RBM33: variants seen among roughly 807,000 people sequenced by gnomAD.
The protein encoded by RBM33 is RNA-binding protein 33.
In RBM33, 28 loss-of-function variants were observed where a neutral mutation model predicts 132.6. The ratio of observed to expected loss-of-function variants is 0.21; its 90% CI spans 0.16 to 0.29. The LOEUF (loss-of-function observed/expected upper bound fraction) is 0.29, where lower values mean the gene tolerates loss of function less well. RBM33 is among the 10% of genes least tolerant of loss of function. The pLI is 1.00. For missense variants in RBM33, 1,291 were observed against 1,518.5 expected, an observed-to-expected ratio of 0.85 and a Z score of 2.49; for synonymous variants, 634 against 593.0, an observed-to-expected ratio of 1.07 and a Z score of -1.01.
At chr7:155,729,067 C>T (rs547966805) in intron 9 of RBM33, among the ~76,000 whole-genome samples, 5 of 152,016 alleles carry the variant, frequency 3.3e-5, no homozygotes, top group Non-Finnish European at 5.9e-5. Context: ...CTGGAGAGGC[C>T]TCAGGAAACT....
chr7:155,758,440 G>C (rs2117058137), intron 14 of RBM33, among the ~76,000 whole-genome samples: 1 of 152,266 alleles, frequency 6.6e-6, no homozygotes, highest in African/African-American at 2.4e-5. Flanking sequence ...ATAAGGAGCT[G>C]GCAACCTAGA....
chr7:155,659,979 C>T (rs1486334115), intron 1 of RBM33, among the ~76,000 whole-genome samples: 1 of 152,212 alleles, frequency 6.6e-6, no homozygotes, highest in Admixed American at 6.5e-5. Flanking sequence ...CCCCAAATCT[C>T]CCTCTCCTTA....
chr7:155,682,850 A>G (rs975038147), intron 5 of RBM33, among the ~76,000 whole-genome samples: 1 of 152,192 alleles, frequency 6.6e-6, no homozygotes, highest in African/African-American at 2.4e-5. Context: ...CAAACTTGAG[A>G]TTACACATAG....
rs1802697731 is a variant in RBM33, at chr7:155,778,512, CAG to C, written c.*3472_*3473del. On this transcript the variant is annotated 3_prime_UTR_variant, in exon 18 of 18. Transcript: ENST00000401878. The surrounding 1 kb of genome is among the most constrained non-coding windows in gnomAD (Gnocchi z 4.0). ...ACTTGCTTCTAACACACTGGCTTATCAGGGGAGGTCATCCAGTCCGGTCGGTG... is the reference window on the plus strand; with the variant it reads ...ACTTGCTTCTAACACACTGGCTTATCGGGAGGTCATCCAGTCCGGTCGGTG... The C allele has an allele frequency of 6.6e-6, 1 of 152,206 alleles. No individual in the cohort carries two copies. Among genetic ancestry groups the C allele is most frequent in the East Asian group, 1.9e-4 (1 of 5,176 alleles). The allele number at this position is 152,206 out of a possible 1,614,324, so 9.4% of individuals were successfully genotyped here.
intron 3 of RBM33, among the ~76,000 whole-genome samples, chr7:155,673,341 A>G (rs1798997078): frequency 6.6e-6 from 1 of 151,878 alleles, no homozygotes; most frequent in African/African-American, 2.4e-5. Flanking sequence ...TCTAAAACCT[A>G]ATGTAGGTTT....
At chr7:155,757,964 T>C (rs933847702) in intron 14 of RBM33, among the ~76,000 whole-genome samples, 2 of 152,148 alleles carry the variant, frequency 1.3e-5, no homozygotes, top group African/African-American at 4.8e-5. Context: ...ACCAAGGGGA[T>C]GGCCTAAGCC....
chr7:155,761,122 G>A (rs1181552712), intron 14 of RBM33, among the ~76,000 whole-genome samples: 1 of 152,196 alleles, frequency 6.6e-6, no homozygotes, highest in Non-Finnish European at 1.5e-5. Flanking sequence ...TGGTTAACCG[G>A]GGGGGTGTTA....
intron 14 of RBM33, among the ~76,000 whole-genome samples, 162 bp from the exon 15 acceptor site, chr7:155,763,650 T>C (rs892717051): frequency 6.6e-6 from 1 of 152,224 alleles, no homozygotes; most frequent in African/African-American, 2.4e-5. Flanking sequence ...CAATGAGAAA[T>C]GTCCTTACTG....
At position 155,644,675 on chromosome 7, in the gene RBM33, G is replaced by A. The variant is rs962796409; in HGVS notation, c.-202G>A. ...TGCACCGCGGCGGGCGCGGGCGCGCGGCCATGTTGCGGTAGTTTGTTGTTT... is the reference window on the plus strand; with the variant it reads ...TGCACCGCGGCGGGCGCGGGCGCGCAGCCATGTTGCGGTAGTTTGTTGTTT... On this transcript the variant is annotated 5_prime_UTR_variant, in exon 1 of 18. Transcript: ENST00000401878. 9.4e-6 allele frequency: 4 copies of A among 425,568 alleles called. No individual in the cohort carries two copies. The highest frequency in any genetic ancestry group is 6.2e-5 in the African/African-American group (3 of 48,378). 26.4% of individuals were successfully genotyped at this position (425,568 alleles called of 1,614,324 possible).
Position 155,775,476 on chromosome 7 carries a change from C to T in RBM33, c.*435C>T, listed in dbSNP as rs572900370. On this transcript the variant is annotated 3_prime_UTR_variant, in exon 18 of 18. Transcript: ENST00000401878. ...TATCTTCAGTGCAGGTTAGAAGAGTCTTCTCAACCAAGCTTAACTCGAGTT... is the reference window on the plus strand; with the variant it reads ...TATCTTCAGTGCAGGTTAGAAGAGTTTTCTCAACCAAGCTTAACTCGAGTT... 79 of 224,414 alleles carry T rather than the reference C, an allele frequency of 3.5e-4. No individual in the cohort carries two copies. Among genetic ancestry groups the T allele is most frequent in the African/African-American group, 1.8e-3 (78 of 44,488 alleles). 13.9% of individuals were successfully genotyped at this position (224,414 alleles called of 1,614,324 possible). A position where few individuals can be genotyped will look rare whatever the true frequency, so the allele number is the denominator to read the frequency against.
At position 155,652,381 on chromosome 7, in the gene RBM33, C is replaced by T. The variant is rs762392559; in HGVS notation, c.43+7462C>T. Among the ~76,000 whole-genome samples, 9 of 152,216 alleles carry T rather than the reference C, an allele frequency of 5.9e-5. 1 individual carries two copies. The highest frequency in any genetic ancestry group is 1.2e-4 in the African/African-American group (5 of 41,450). On this transcript the variant is annotated intron_variant, in intron 1 of 17. Coordinates refer to ENST00000401878, the MANE Select transcript of RBM33 (RefSeq NM_053043.3). ...TCCATTAAAAGCTTATTTACATACA[C>T]GGGTGGTAGCTAAATTTGGGCAGAA... is the stretch of plus-strand genomic sequence containing the variant.
chr7:155,678,279 C>CT (rs1269361509), intron 3 of RBM33, among the ~76,000 whole-genome samples: 2 of 152,252 alleles, frequency 1.3e-5, no homozygotes, highest in South Asian at 2.1e-4. Context: ...GGATATCTTT[C>CT]TTTTTTTGTG....
intron 3 of RBM33, among the ~76,000 whole-genome samples, chr7:155,674,443 A>AT (rs1168524094): frequency 3.3e-5 from 5 of 152,218 alleles, no homozygotes; most frequent in Non-Finnish European, 7.3e-5. Context: ...TTAATGGAGA[A>AT]TAAGTTAGAT....
Position 155,654,595 on chromosome 7 carries a change from T to C in RBM33, c.43+9676T>C, listed in dbSNP as rs552745657. Among the ~76,000 whole-genome samples the C allele has an allele frequency of 3.0e-4, 46 of 152,344 alleles. No individual in the cohort carries two copies. In the South Asian group the frequency reaches 9.5e-3, roughly 32 times the overall value. On this transcript the variant is annotated intron_variant, in intron 1 of 17. Transcript: ENST00000401878. ...TTGTGGAACTCAGCCTCTGTGCTGT[T>C]ATTTCCCTGGAATGCCCATCTACTT...
intron 9 of RBM33, among the ~76,000 whole-genome samples, chr7:155,726,598 A>G (rs1208579810): frequency 6.6e-6 from 1 of 152,252 alleles, no homozygotes; most frequent in African/African-American, 2.4e-5. Context: ...TTACGTTAGT[A>G]CTAAAAGTTC....
chr7:155,761,410 A>G (rs984643105), intron 14 of RBM33, among the ~76,000 whole-genome samples: 56 of 152,310 alleles, frequency 3.7e-4, no homozygotes, highest in African/African-American at 1.3e-3. Context: ...AATATTTGGT[A>G]AAACTTACTG....
chr7:155,695,030 T>C (rs770157536), intron 5 of RBM33, among the ~76,000 whole-genome samples: 6 of 152,110 alleles, frequency 3.9e-5, no homozygotes, highest in Non-Finnish European at 7.4e-5. Flanking sequence ...TGTGGGGGAG[T>C]ACCTCATTGT....
intron 7 of RBM33, among the ~76,000 whole-genome samples, chr7:155,710,351 A>G (rs1448694687): frequency 1.3e-5 from 2 of 152,136 alleles, no homozygotes; most frequent in East Asian, 1.9e-4. Context: ...AATAGGACCT[A>G]GTTTATAGGA....
chr7:155,736,708 C>T (rs545678187), intron 9 of RBM33, among the ~76,000 whole-genome samples: 1 of 152,216 alleles, frequency 6.6e-6, no homozygotes, highest in South Asian at 2.1e-4. Flanking sequence ...GATTGAATTT[C>T]TTTTTCTTTT....
Sources: allele counts gnomAD v4.1 joint callset (sites outside exome capture counted in the v4.1 genomes callset), GRCh38; gene constraint gnomAD v4.1.1; non-coding constraint Gnocchi (gnomAD v3.1); transcripts MANE v1.5; gene names NCBI Gene and HGNC (gene_info 2026-07-23, HGNC 2026-07-21).